CC2D2B: variants seen among roughly 807,000 people sequenced by gnomAD.
CC2D2B encodes the protein coiled-coil and C2 domain containing 2B, also known as protein CC2D2B.
A neutral mutation model predicts 161.2 loss-of-function variants in CC2D2B; 128 were observed. The ratio of observed to expected loss-of-function variants is 0.79; its 90% CI spans 0.69 to 0.92. The LOEUF (loss-of-function observed/expected upper bound fraction) is 0.92. Among genes scored for constraint, CC2D2B ranks in the 40% least tolerant of loss-of-function variants. The pLI is 0.00. For synonymous variants in CC2D2B, 391 were observed against 449.8 expected (o/e 0.87, Z 1.65); for missense variants, 1,173 against 1,375.1 (o/e 0.85, Z 2.32).
rs115561396 is a variant in CC2D2B at position 95,928,564 on chromosome 10, C to T, written c.336+1232C>T. Among the ~76,000 whole-genome samples, 765 of 152,272 alleles carry T rather than the reference C, an allele frequency of 5.0e-3. 3 individuals carry two copies. Among genetic ancestry groups the T allele is most frequent in the African/African-American group, 0.018 (731 of 41,548 alleles). The stretch of plus-strand genomic sequence containing the variant: ...CTAATGCTATGCCTCCCCTCGCCCC[C>T]ACCCCCTGACAGGCCCTGGTGTGTG... On this transcript the variant is annotated intron_variant, in intron 6 of 34. Transcript: ENST00000646931.
chr10:95,925,120 C>T (rs1016060131), intron 5 of CC2D2B, among the ~76,000 whole-genome samples: 5 of 152,024 alleles, frequency 3.3e-5, no homozygotes, highest in Non-Finnish European at 5.9e-5. Context: ...AACTTAGGAA[C>T]ATTAAAAGTT....
Position 95,937,980 on chromosome 10 carries a change from G to T in CC2D2B, c.337-11G>T, listed in dbSNP as rs1402954756. On this transcript the variant is annotated splice_polypyrimidine_tract_variant and intron_variant, in intron 6 of 34. Coordinates refer to ENST00000646931, the MANE Select transcript of CC2D2B (RefSeq NM_001349008.3). ...GCATGTAAACTTATTTTCCTTTTTG[G>T]TATTCAACAGAGACCAGTAAACCGT... 1 of 1,473,590 alleles carries T rather than the reference G, an allele frequency of 6.8e-7. No homozygotes were observed. Among genetic ancestry groups the T allele is most frequent in the East Asian group, 2.5e-5 (1 of 40,358 alleles). 91.3% of individuals were successfully genotyped at this position (1,473,590 alleles called of 1,614,324 possible). A position where few individuals can be genotyped will look rare whatever the true frequency, so the allele number is the denominator to read the frequency against.
chr10:95,988,948 T>G (rs551341389), intron 20 of CC2D2B, among the ~76,000 whole-genome samples: 3 of 152,292 alleles, frequency 2.0e-5, no homozygotes, highest in East Asian at 1.9e-4. Context: ...TATCTTACAC[T>G]GAGAAAATGC....
At chr10:96,023,183 A>G (rs2079544899) in intron 32 of CC2D2B, among the ~76,000 whole-genome samples, 1 of 152,224 alleles carries the variant, frequency 6.6e-6, no homozygotes, top group Admixed American at 6.5e-5. Flanking sequence ...TAGGGCTGAA[A>G]CTAAAGCCTT....
intron 6 of CC2D2B, among the ~76,000 whole-genome samples, chr10:95,931,452 C>G (rs1590402252): frequency 6.6e-6 from 1 of 151,968 alleles, no homozygotes; most frequent in African/African-American, 2.4e-5. Context: ...CATGCTTCTC[C>G]AGTTCTTTTA....
At chr10:95,954,942 T>C (rs750971321) in intron 10 of CC2D2B, among the ~76,000 whole-genome samples, 6 of 152,172 alleles carry the variant, frequency 3.9e-5, no homozygotes, top group Non-Finnish European at 7.4e-5. Flanking sequence ...CTCTTGATTT[T>C]ATTCTTCTTG....
At chr10:95,987,997 T>A (rs765687548) in intron 19 of CC2D2B, among the ~76,000 whole-genome samples, 22 of 152,378 alleles carry the variant, frequency 1.4e-4, no homozygotes, top group Non-Finnish European at 4.4e-5. Context: ...CAGTCACAAA[T>A]CTTGTTCTTA....
chr10:96,012,505 T>A, intron 27 of CC2D2B, 27 bp from the exon 28 acceptor site: 1 of 1,494,518 alleles, frequency 6.7e-7, no homozygotes, highest in East Asian at 2.3e-5. Context: ...ACAGTACAAT[T>A]CTGAAATACT....
At chr10:95,975,432 C>T (rs1404643024) in intron 17 of CC2D2B, among the ~76,000 whole-genome samples, 1 of 151,944 alleles carries the variant, frequency 6.6e-6, no homozygotes, top group African/African-American at 2.4e-5. Context: ...AGTTTACTTA[C>T]CAAGGAGTTT....
At chr10:95,928,064 T>A (rs1395277667) in intron 6 of CC2D2B, among the ~76,000 whole-genome samples, 9 of 152,140 alleles carry the variant, frequency 5.9e-5, no homozygotes, top group Admixed American at 5.9e-4. Context: ...ACATAATGTC[T>A]TTTGACACCT....
At chr10:95,920,322 G>T in intron 2 of CC2D2B, 1 of 156,630 alleles carries the variant, frequency 6.4e-6, no homozygotes, top group Non-Finnish European at 1.4e-5. Flanking sequence ...GAAGGCGAAG[G>T]GGAAGCAAGG....
intron 29 of CC2D2B, among the ~76,000 whole-genome samples, chr10:96,015,250 T>TTTG (rs1358831319): frequency 1.3e-5 from 2 of 149,010 alleles, no homozygotes; most frequent in East Asian, 3.9e-4. Flanking sequence ...TTTTTTTTTT[T>TTTG]TGTATTTTAG....
upstream of CC2D2B, chr10:95,907,815 C>A (rs1045992710): frequency 1.3e-5 from 2 of 152,532 alleles, no homozygotes; most frequent in African/African-American, 4.8e-5. Flanking sequence ...GGGTGATAGA[C>A]CCCGGCGGCG....
chr10:96,019,938 G>A (rs2079380997), intron 32 of CC2D2B, 114 bp downstream of exon 32: 1 of 991,670 alleles, frequency 1.0e-6, no homozygotes, highest in Non-Finnish European at 1.4e-6. Flanking sequence ...GAAATATTTG[G>A]CAATATTAAT....
intron 6 of CC2D2B, among the ~76,000 whole-genome samples, chr10:95,930,771 G>A (rs1473361395): frequency 6.6e-6 from 1 of 152,182 alleles, no homozygotes; most frequent in Non-Finnish European, 1.5e-5. Context: ...TTGAGGTGGT[G>A]TTGGACTTGG....
In CC2D2B at chr10:95,952,641, A is replaced by T. The variant is rs530778726; in HGVS notation, c.1011+2536A>T. On this transcript the variant is annotated intron_variant, in intron 10 of 34. Transcript: ENST00000646931. ...AGCAATCCTCCCACCTCAGCCTCCCAAGTAGGTGAGACTACAGGTGTGCAC... is the reference window on the plus strand; with the variant it reads ...AGCAATCCTCCCACCTCAGCCTCCCTAGTAGGTGAGACTACAGGTGTGCAC... Among the ~76,000 whole-genome samples the T allele has an allele frequency of 3.3e-5, 5 of 152,158 alleles. No homozygotes were observed. In the East Asian group the frequency reaches 9.6e-4, roughly 29 times the overall value.
At chr10:95,983,231 T>C (rs1233318697) in intron 18 of CC2D2B, among the ~76,000 whole-genome samples, 1 of 152,252 alleles carries the variant, frequency 6.6e-6, no homozygotes, top group African/African-American at 2.4e-5. Flanking sequence ...TTGCTGCAAG[T>C]AAACTCCCTA....
At chr10:95,935,657 T>C (rs2075796475) in intron 6 of CC2D2B, among the ~76,000 whole-genome samples, 1 of 152,132 alleles carries the variant, frequency 6.6e-6, no homozygotes, top group African/African-American at 2.4e-5. Flanking sequence ...CTGTTTCTCA[T>C]TTACAGCAAG....
At position 96,016,239 on chromosome 10, in the gene CC2D2B, T is replaced by C. The variant is rs751118258; in HGVS notation, c.3555T>C (p.His1185=). ...TAGCTATCGGAAATAAGGAGGAGCATGCCATCCTTCTCTGTAATTTCTTTC... is the reference window on the plus strand; with the variant it reads ...TAGCTATCGGAAATAAGGAGGAGCACGCCATCCTTCTCTGTAATTTCTTTC... The part of the protein sequence containing the change: ...ISLAIGNKEE[H]AILLCNFFLY... The change falls in exon 30 of 35, where the codon CAT becomes CAC. Residue 1185 remains histidine, a synonymous_variant. Coordinates refer to ENST00000646931, the MANE Select transcript of CC2D2B (RefSeq NM_001349008.3). 3 of 1,612,904 alleles carry C rather than the reference T, an allele frequency of 1.9e-6. No homozygotes were observed. The highest frequency in any genetic ancestry group is 2.5e-6 in the Non-Finnish European group (3 of 1,179,554).
Sources: allele counts gnomAD v4.1 joint callset (sites outside exome capture counted in the v4.1 genomes callset), GRCh38; gene constraint gnomAD v4.1.1; transcripts MANE v1.5; gene names NCBI Gene and HGNC (gene_info 2026-07-23, HGNC 2026-07-21).